Variants in MRPL16 observed in about 807,000 individuals in gnomAD.
MRPL16 encodes the protein large ribosomal subunit protein uL16m.
A neutral mutation model predicts 22.7 loss-of-function variants in MRPL16; 17 were observed. The observed-to-expected ratio is 0.75, with a 90% CI of 0.51 to 1.12. The LOEUF (loss-of-function observed/expected upper bound fraction) is 1.12, where lower values mean the gene tolerates loss of function less well. Among genes scored for constraint, MRPL16 ranks in the 50% most tolerant of loss-of-function variants. MRPL16 has a pLI of 0.00. For synonymous variants in MRPL16, 103 were observed against 112.8 expected (o/e 0.91, Z 0.55); for missense variants, 316 against 328.7 (o/e 0.96, Z 0.30).
In MRPL16 at chr11:59,809,644, G is replaced by GT. The variant is rs1866152895; in HGVS notation, c.121+210dup. ...GAGCTATCTCATTAGACGCTGCTCCGTAAGAGCAAGGAACTTTTTTGGTTT... is the reference window on the plus strand; with the variant it reads ...GAGCTATCTCATTAGACGCTGCTCCGTTAAGAGCAAGGAACTTTTTTGGTTT... On this transcript the variant is annotated intron_variant, in intron 2 of 3. Coordinates refer to ENST00000300151, the MANE Select transcript of MRPL16 (RefSeq NM_017840.4). The GT allele has an allele frequency of 5.5e-6, 3 of 549,382 alleles. No individual in the cohort carries two copies. The South Asian group carries it at 6.4e-5, about 12-fold the overall frequency. 34.0% of individuals were successfully genotyped at this position (549,382 alleles called of 1,614,324 possible).
Position 59,806,203 on chromosome 11 carries a change from A to C in MRPL16, c.*144T>G. The C allele has an allele frequency of 1.1e-6, 1 of 872,550 alleles. No homozygotes were observed. Among genetic ancestry groups the C allele is most frequent in the South Asian group, 2.0e-5 (1 of 49,888 alleles). 54.1% of individuals were successfully genotyped at this position (872,550 alleles called of 1,614,324 possible). ...AGTTTTCTTTTTAAATCAACAAATA[A>C]CATTGTTTTTCAGAAATCTACTCAA... is the stretch of plus-strand genomic sequence containing the variant. On this transcript the variant is annotated 3_prime_UTR_variant, in exon 4 of 4. Transcript: ENST00000300151.
In MRPL16 at chr11:59,806,610, C is replaced by T. The variant is rs772163877; in HGVS notation, c.493G>A (p.Gly165Arg). The T allele has an allele frequency of 2.7e-5, 43 of 1,614,148 alleles. No individual in the cohort carries two copies. The highest frequency in any genetic ancestry group is 1.2e-4 in the Admixed American group (7 of 60,012). ...KAGRLVVEMG[G>R]RCEFEEVQGF... The stretch of plus-strand genomic sequence containing the variant: ...TGCACTTCTTCAAATTCACAACGCC[C>T]ACCCATCTCTACAACAAGGCGGCCA... Residue 165 changes from glycine to arginine, a missense_variant, in exon 4 of 4, where the codon GGG becomes AGG. Physicochemically the swap from Gly to Arg is moderately radical, Grantham distance 125. Coordinates refer to ENST00000300151, the MANE Select transcript of MRPL16 (RefSeq NM_017840.4).
chr11:59,810,096 C>T (rs1866157922), intron 1 of MRPL16, 176 bp from the exon 2 acceptor site: 1 of 641,614 alleles, frequency 1.6e-6, no homozygotes, highest in African/African-American at 1.9e-5. Context: ...ACCTCCGCCT[C>T]CCGGGTTCAA....
intron 1 of MRPL16, 187 bp from the exon 2 acceptor site, chr11:59,810,107 G>C: frequency 7.9e-6 from 5 of 633,906 alleles, no homozygotes; most frequent in Non-Finnish European, 1.2e-5. Flanking sequence ...CCGGGTTCAA[G>C]AGATTCTCCT....
chr11:59,810,016 A>AT lies in MRPL16; in HGVS notation c.56-97dup, dbSNP rs1040597458. ...ACTACTTCTTATTTTTATTTATTTT[A>AT]TTTTTTTGAGACGGAGTCTTACTCT... On this transcript the variant is annotated intron_variant, in intron 1 of 3. Coordinates refer to ENST00000300151, the MANE Select transcript of MRPL16 (RefSeq NM_017840.4). 15 of 1,062,714 alleles carry AT rather than the reference A, an allele frequency of 1.4e-5. No individual in the cohort carries two copies. The Admixed American group carries it at 1.8e-4, about 12-fold the overall frequency. The allele number at this position is 1,062,714 out of a possible 1,614,324, so 65.8% of individuals were successfully genotyped here.
At chr11:59,807,153 G>T in intron 3 of MRPL16, 1 of 279,766 alleles carries the variant, frequency 3.6e-6, no homozygotes, top group South Asian at 6.3e-5. Flanking sequence ...GCACAGCAGA[G>T]GGCTTGGCAA....
At chr11:59,808,554 C>G (rs1205841981) in intron 2 of MRPL16, among the ~76,000 whole-genome samples, 1 of 152,182 alleles carries the variant, frequency 6.6e-6, no homozygotes, top group Non-Finnish European at 1.5e-5. Flanking sequence ...GCTAAAAACA[C>G]TTTATAATCT....
At chr11:59,806,890 C>T in intron 3 of MRPL16, 58 bp from the exon 4 acceptor site, 3 of 1,548,972 alleles carry the variant, frequency 1.9e-6, no homozygotes, top group South Asian at 2.4e-5. Context: ...TCTATGGGCT[C>T]ATTATTTTGT....
At chr11:59,809,705 T>C (rs1349280902) in intron 2 of MRPL16, 150 bp downstream of exon 2, 3 of 767,504 alleles carry the variant, frequency 3.9e-6, no homozygotes, top group Non-Finnish European at 6.4e-6. Flanking sequence ...GCTCAGAATA[T>C]TAGTTGGCAA....
At chr11:59,808,077 T>C (rs1036298700) in intron 2 of MRPL16, among the ~76,000 whole-genome samples, 2 of 152,160 alleles carry the variant, frequency 1.3e-5, no homozygotes, top group Admixed American at 1.3e-4. Context: ...AGCCACCATA[T>C]CCAGCCTGAA....
At chr11:59,810,273 T>A in intron 1 of MRPL16, 1 of 1,244,228 alleles carries the variant, frequency 8.0e-7, no homozygotes, top group Non-Finnish European at 1.0e-6. Flanking sequence ...CCTCCCAAAG[T>A]GCTGCTATTA....
At chr11:59,809,983 C>T in intron 1 of MRPL16, 63 bp from the exon 2 acceptor site, 1 of 1,296,978 alleles carries the variant, frequency 7.7e-7, no homozygotes, top group Non-Finnish European at 1.1e-6. Context: ...ACAACCTGGG[C>T]CAAAGGTACT....
chr11:59,810,143 T>A, intron 1 of MRPL16: 1 of 641,964 alleles, frequency 1.6e-6, no homozygotes, highest in Non-Finnish European at 2.3e-6. Context: ...CTAGCTGGGA[T>A]TACAGTCGCC....
chr11:59,810,460 G>A, intron 1 of MRPL16, 144 bp downstream of exon 1: 2 of 1,490,000 alleles, frequency 1.3e-6, no homozygotes, highest in African/African-American at 1.4e-5. Context: ...CCCTACGGTG[G>A]AGGTCGGCGG....
Position 59,806,558 on chromosome 11 carries a change from T to C in MRPL16, c.545A>G (p.Lys182Arg). The C allele has an allele frequency of 6.2e-7, 1 of 1,614,272 alleles. No homozygotes were observed. ...CACAGCCTTTGCTGCGAAGGGCAAC[T>C]TGTGGGCAACCTGGTCAAGGAAACC... ...VQGFLDQVAH[K>R]LPFAAKAVSR... Residue 182 changes from lysine to arginine, a missense_variant, in exon 4 of 4, where the codon AAG becomes AGG. By Grantham distance (26) the Lys-to-Arg change is conservative (BLOSUM62 2). Transcript: ENST00000300151.
At chr11:59,809,592 G>A (rs1866152080) in intron 2 of MRPL16, 5 of 416,740 alleles carry the variant, frequency 1.2e-5, no homozygotes, top group Non-Finnish European at 2.1e-5. Context: ...TGGACCATGG[G>A]ACACACACCA....
chr11:59,807,489 C>A, intron 3 of MRPL16: 1 of 390,776 alleles, frequency 2.6e-6, no homozygotes, highest in Admixed American at 4.4e-5. Context: ...TCTGCTTTTA[C>A]GTTATTTTCA....
In MRPL16 at chr11:59,809,938, G is replaced by T; in HGVS notation, c.56-18C>A. Reference sequence around the variant, plus strand: ...CCAGGAATCTACAAAGACAAATCAAGTTAAACGACGAAGGTAACAGGCCGG... The same window carrying T: ...CCAGGAATCTACAAAGACAAATCAATTTAAACGACGAAGGTAACAGGCCGG... On this transcript the variant is annotated intron_variant, in intron 1 of 3. Transcript: ENST00000300151. The T allele has an allele frequency of 6.2e-7, 1 of 1,606,548 alleles. No homozygotes were observed. Among genetic ancestry groups the T allele is most frequent in the Non-Finnish European group, 8.5e-7 (1 of 1,175,820 alleles).
chr11:59,810,040 C>A, intron 1 of MRPL16, 120 bp from the exon 2 acceptor site: 2 of 870,038 alleles, frequency 2.3e-6, no homozygotes, highest in South Asian at 3.7e-5. Flanking sequence ...GAGTCTTACT[C>A]TGTCGCCCAG....
Sources: gnomAD v4.1 joint callset for allele counts (sites outside exome capture counted in the v4.1 genomes callset) on GRCh38, gnomAD v4.1.1 for gene constraint, MANE v1.5 for transcripts, NCBI Gene and HGNC (gene_info 2026-07-23, HGNC 2026-07-21) for gene names.